The following MYO5B variants were observed in gnomAD, a reference collection of about 807,000 sequenced individuals.
MYO5B encodes myosin VB, also known as unconventional myosin-Vb.
MYO5B carries 143 observed loss-of-function variants against 229.3 expected under a neutral mutation model. The observed-to-expected ratio is 0.62, with a 90% CI of 0.54 to 0.72. The LOEUF (loss-of-function observed/expected upper bound fraction) is 0.72. MYO5B is among the 30% of genes least tolerant of loss of function. MYO5B has a pLI of 0.00. For missense variants in MYO5B, 2,321 were observed against 2,331.0 expected, an observed-to-expected ratio of 1.00 and a Z score of 0.09; for synonymous variants, 918 against 885.2, an observed-to-expected ratio of 1.04 and a Z score of -0.66.
Position 49,889,808 on chromosome 18 carries a change from T to C in MYO5B, c.3045+5133A>G, listed in dbSNP as rs189430912. Among the ~76,000 whole-genome samples the C allele has an allele frequency of 3.7e-4, 56 of 152,318 alleles. 1 individual carries two copies. The East Asian group carries it at 9.5e-3, about 26-fold the overall frequency. On this transcript the variant is annotated intron_variant, in intron 22 of 39. Coordinates refer to ENST00000285039, the MANE Select transcript of MYO5B (RefSeq NM_001080467.3). The stretch of plus-strand genomic sequence containing the variant: ...TGCCACCTAAGAACATGTGACTTCA[T>C]TGCAACAACCTATGATCTAAAACCT...
chr18:49,980,323 C>G, intron 9 of MYO5B, 121 bp downstream of exon 9: 1 of 794,310 alleles, frequency 1.3e-6, no homozygotes. Context: ...TGAACAGAAA[C>G]CATTACTGTT....
intron 1 of MYO5B, among the ~76,000 whole-genome samples, chr18:50,081,096 T>C (rs963550314): frequency 1.3e-5 from 2 of 152,186 alleles, no homozygotes; most frequent in Non-Finnish European, 2.9e-5. Flanking sequence ...CAAGAAAGCA[T>C]CTGCTCTGTT....
At chr18:50,144,534 T>C (rs1038276533) in intron 1 of MYO5B, among the ~76,000 whole-genome samples, 1 of 152,108 alleles carries the variant, frequency 6.6e-6, no homozygotes, top group African/African-American at 2.4e-5. Context: ...CAGTGGAAAA[T>C]ATAACTGAGG....
intron 1 of MYO5B, among the ~76,000 whole-genome samples, chr18:50,060,629 C>G (rs941725266): frequency 2.6e-5 from 4 of 152,198 alleles, no homozygotes; most frequent in Admixed American, 2.6e-4. Context: ...CTAGAGAAGG[C>G]AGATGCCTAC....
chr18:50,069,410 A>T (rs762202835), intron 1 of MYO5B, among the ~76,000 whole-genome samples: 3 of 151,938 alleles, frequency 2.0e-5, no homozygotes, highest in Non-Finnish European at 4.4e-5. Flanking sequence ...ACATTGGCAA[A>T]ATTTTCCCTT....
At chr18:50,043,933 T>G (rs552373684) in intron 2 of MYO5B, among the ~76,000 whole-genome samples, 8 of 151,934 alleles carry the variant, frequency 5.3e-5, no homozygotes, top group Non-Finnish European at 1.0e-4. Context: ...TTGGGTTCAG[T>G]GTACACTGCT....
chr18:49,903,813 G>A (rs1386223892), intron 20 of MYO5B, among the ~76,000 whole-genome samples: 1 of 152,202 alleles, frequency 6.6e-6, no homozygotes, highest in Admixed American at 6.5e-5. Context: ...TCCTGATGTG[G>A]GGCTCCTGAA....
At chr18:50,109,785 C>T (rs529284765) in intron 1 of MYO5B, among the ~76,000 whole-genome samples, 9 of 152,296 alleles carry the variant, frequency 5.9e-5, no homozygotes, top group South Asian at 2.1e-4. Flanking sequence ...ATCCGGCCAA[C>T]GGCAGCACCA....
At chr18:50,161,424 T>A (rs750506736) in intron 1 of MYO5B, among the ~76,000 whole-genome samples, 2 of 151,132 alleles carry the variant, frequency 1.3e-5, no homozygotes, top group Non-Finnish European at 2.9e-5. Flanking sequence ...ACCGCTCCCC[T>A]CTAAGGGAGT....
chr18:50,073,748 C>T (rs3862687), intron 1 of MYO5B, among the ~76,000 whole-genome samples: 18,970 of 152,118 alleles, frequency 0.12, 1,315 homozygotes, highest in East Asian at 0.23. Context: ...CTACCCCTCA[C>T]CTGTTTATTT....
At chr18:50,111,386 A>G (rs536913515) in intron 1 of MYO5B, among the ~76,000 whole-genome samples, 48 of 152,370 alleles carry the variant, frequency 3.2e-4, no homozygotes, top group African/African-American at 1.1e-3. Flanking sequence ...TTAGACAGTC[A>G]CAGATTGAAA....
chr18:50,010,087 T>C (rs1478546485), intron 4 of MYO5B, among the ~76,000 whole-genome samples: 1 of 152,212 alleles, frequency 6.6e-6, no homozygotes, highest in Non-Finnish European at 1.5e-5. Context: ...CACTGGAAAC[T>C]GTGTAATTGG....
rs181474277 is a variant in MYO5B, at chr18:50,070,083, G to A, written c.28-14705C>T. Among the ~76,000 whole-genome samples the A allele has an allele frequency of 1.8e-4, 27 of 147,000 alleles. No individual in the cohort carries two copies. The South Asian group carries it at 1.9e-3, about 11-fold the overall frequency. Reference sequence around the variant, plus strand: ...GTCACCCAGGCTGGAGTGCAGGGGCGTGATCTCGGTTCACTGCAACCTCTG... The same window carrying A: ...GTCACCCAGGCTGGAGTGCAGGGGCATGATCTCGGTTCACTGCAACCTCTG... On this transcript the variant is annotated intron_variant, in intron 1 of 39. Coordinates refer to ENST00000285039, the MANE Select transcript of MYO5B (RefSeq NM_001080467.3).
rs117227576 is a variant in MYO5B at position 50,066,136 on chromosome 18, T to A, written c.28-10758A>T. 3.3e-3 allele frequency among the ~76,000 whole-genome samples: 496 copies of A among 152,302 alleles called. 2 individuals are homozygous for A. Among genetic ancestry groups the A allele is most frequent in the Non-Finnish European group, 4.6e-3 (313 of 68,018 alleles). Reference sequence around the variant, plus strand: ...GGGAAAGGACATGGTCAAAACTCCATGATAAAAATATCAGATTTACAGATG... The same window carrying A: ...GGGAAAGGACATGGTCAAAACTCCAAGATAAAAATATCAGATTTACAGATG... On this transcript the variant is annotated intron_variant, in intron 1 of 39. Transcript: ENST00000285039.
In MYO5B at chr18:49,906,407, A is replaced by C; in HGVS notation, c.2414+12T>G. ...ATGATCTGCTGCCCTGAGCTGCCAC[A>C]GTCTGGCTCACCTGCGGGCCAGGTG... On this transcript the variant is annotated intron_variant, in intron 19 of 39. Coordinates refer to ENST00000285039, the MANE Select transcript of MYO5B (RefSeq NM_001080467.3). The C allele has an allele frequency of 6.2e-6, 10 of 1,613,726 alleles. No homozygotes were observed. The highest frequency in any genetic ancestry group is 8.5e-6 in the Non-Finnish European group (10 of 1,179,708).
chr18:49,952,487 T>C (rs2025440654), intron 14 of MYO5B, among the ~76,000 whole-genome samples: 1 of 152,126 alleles, frequency 6.6e-6, no homozygotes, highest in Admixed American at 6.6e-5. Context: ...CACAGTTACC[T>C]GTGGGTGTCT....
At chr18:50,077,502 A>AACACACACACACACACACACACAC (rs60086500) in intron 1 of MYO5B, among the ~76,000 whole-genome samples, 24 of 133,418 alleles carry the variant, frequency 1.8e-4, no homozygotes, top group Non-Finnish European at 3.0e-4. Context: ...CACACACACA[A>AACACACACACACACACACACACAC]ACACACACAC....
At chr18:50,037,640 C>T (rs905468071) in intron 3 of MYO5B, among the ~76,000 whole-genome samples, 4 of 152,150 alleles carry the variant, frequency 2.6e-5, no homozygotes, top group Admixed American at 6.5e-5. Flanking sequence ...TGGCTCATGC[C>T]TGTAATCCCA....
At chr18:49,973,575 T>C (rs1332008672) in intron 10 of MYO5B, among the ~76,000 whole-genome samples, 1 of 152,174 alleles carries the variant, frequency 6.6e-6, no homozygotes, top group Non-Finnish European at 1.5e-5. Flanking sequence ...AGAAAAGAAG[T>C]GCAAGGTAGG....
Sources: gnomAD v4.1 joint callset for allele counts (sites outside exome capture counted in the v4.1 genomes callset) on GRCh38, gnomAD v4.1.1 for gene constraint, MANE v1.5 for transcripts, NCBI Gene and HGNC (gene_info 2026-07-23, HGNC 2026-07-21) for gene names.